Variants in ANKRD44 observed in about 807,000 individuals in gnomAD.
The protein encoded by ANKRD44 is ankyrin repeat domain 44.
Under a neutral mutation model 116.0 loss-of-function variants are expected in ANKRD44, and 35 were observed. The ratio of observed to expected loss-of-function variants is 0.30; its 90% confidence interval spans 0.23 to 0.40. The LOEUF is 0.40. ANKRD44 is among the 10% of genes least tolerant of loss of function. The probability of loss-of-function intolerance (pLI) is 1.00; values close to 1 mark genes in which losing one functional copy is unlikely to be tolerated. For missense variants in ANKRD44, 1,014 were observed against 1,242.6 expected, an observed-to-expected ratio of 0.82 and a Z score of 2.77; for synonymous variants, 435 against 461.8, an observed-to-expected ratio of 0.94 and a Z score of 0.74.
At chr2:197,093,032 T>A (rs1388431073) in intron 10 of ANKRD44, among the ~76,000 whole-genome samples, 1 of 152,072 alleles carries the variant, frequency 6.6e-6, no homozygotes, top group African/African-American at 2.4e-5. Context: ...TGAAAGAATA[T>A]GCCTGGAATC....
intron 17 of ANKRD44, among the ~76,000 whole-genome samples, chr2:197,018,064 TA>T (rs1455882969): frequency 2.0e-5 from 3 of 152,230 alleles, no homozygotes; most frequent in Non-Finnish European, 4.4e-5. Flanking sequence ...ATTCTTTCTT[TA>T]AAATACGTCC....
At chr2:197,106,681 T>C (rs2078436041) in intron 9 of ANKRD44, among the ~76,000 whole-genome samples, 1 of 151,370 alleles carries the variant, frequency 6.6e-6, no homozygotes, top group Admixed American at 6.6e-5. Flanking sequence ...TCCCAGCTAC[T>C]CGGGAGGCTG....
intron 21 of ANKRD44, among the ~76,000 whole-genome samples, chr2:196,977,466 T>G (rs2075768540): frequency 1.3e-5 from 2 of 152,346 alleles, no homozygotes; most frequent in Admixed American, 6.5e-5. Context: ...AAGGGACTTG[T>G]ATTCAGAATA....
At chr2:197,215,943 AACC>A (rs2081432278) in intron 1 of ANKRD44, among the ~76,000 whole-genome samples, 1 of 152,196 alleles carries the variant, frequency 6.6e-6, no homozygotes, top group South Asian at 2.1e-4. Context: ...GCAACTTCAC[AACC>A]TTGATTAACA....
At position 197,005,782 on chromosome 2, in the gene ANKRD44, G is replaced by A. The variant is rs145175393; in HGVS notation, c.2259C>T (p.Ser753=). Residue 753 remains serine, a synonymous_variant, in exon 21 of 28, where the codon AGC becomes AGT. Transcript: ENST00000282272. ...AAARGHATWL[S]ELLQMALSEE... ...CAGAAAGAGCCATTTGGAGCAGCTC[G>A]CTCAGCCACGTGGCGTGGCCACGAG... 73 of 1,614,266 alleles carry A rather than the reference G, an allele frequency of 4.5e-5. No individual in the cohort carries two copies. In the East Asian group the frequency reaches 1.2e-3, roughly 27 times the overall value.
At chr2:197,278,027 GT>G (rs1488209673) in intron 1 of ANKRD44, among the ~76,000 whole-genome samples, 1 of 152,148 alleles carries the variant, frequency 6.6e-6, no homozygotes, top group Non-Finnish European at 1.5e-5. Context: ...GCGTAAAGCA[GT>G]TTCTGCTTAA....
At chr2:197,024,978 C>T (rs1217869588) in intron 17 of ANKRD44, among the ~76,000 whole-genome samples, 4 of 152,186 alleles carry the variant, frequency 2.6e-5, no homozygotes, top group Non-Finnish European at 5.9e-5. Flanking sequence ...GAAACTGAGG[C>T]TCAAGACAGG....
rs149151087 is a variant in ANKRD44, at chr2:197,147,999, T to C, written c.112-894A>G. On this transcript the variant is annotated intron_variant, in intron 2 of 27. Coordinates refer to ENST00000282272, the MANE Select transcript of ANKRD44 (RefSeq NM_001195144.2). ...ACCCAGCAGACTTCAGTCTGTATCTTTGGCAAGGCATTGAACAGATTGTGC... is the reference window on the plus strand; with the variant it reads ...ACCCAGCAGACTTCAGTCTGTATCTCTGGCAAGGCATTGAACAGATTGTGC... 927 of 366,230 alleles carry C rather than the reference T, an allele frequency of 2.5e-3. 7 individuals carry two copies. Among genetic ancestry groups the C allele is most frequent in the African/African-American group, 0.017 (812 of 46,854 alleles). 22.7% of individuals were successfully genotyped at this position (366,230 alleles called of 1,614,324 possible).
chr2:197,186,595 A>C, intron 2 of ANKRD44, among the ~76,000 whole-genome samples: 1 of 116,850 alleles, frequency 8.6e-6, no homozygotes, highest in Non-Finnish European at 1.7e-5. Flanking sequence ...CTCCATCACT[A>C]TGCCCGGCTA....
chr2:196,987,897 T>C lies in ANKRD44; in HGVS notation c.*1694A>G. The C allele has an allele frequency of 1.0e-6, 1 of 982,956 alleles. No individual in the cohort carries two copies. The highest frequency in any genetic ancestry group is 1.2e-6 in the Non-Finnish European group (1 of 827,796). The allele number at this position is 982,956 out of a possible 1,614,324, so 60.9% of individuals were successfully genotyped here. A position where few individuals can be genotyped will look rare whatever the true frequency, so the allele number is the denominator to read the frequency against. On this transcript the variant is annotated 3_prime_UTR_variant, in exon 28 of 28. Coordinates refer to ENST00000282272, the MANE Select transcript of ANKRD44 (RefSeq NM_001195144.2). ...ATAATTTTATTTCTAAGAGATGTAA[T>C]TAAAATACAGAAATGATAGTTTTTA...
chr2:197,057,499 A>T lies in ANKRD44; in HGVS notation c.1650+21204T>A, dbSNP rs547186290. ...TTTGAATTTTTTTTTAAATTAAGAG[A>T]TCTTTATTCTCCAGAACGTTATAAT... On this transcript the variant is annotated intron_variant, in intron 16 of 27. Coordinates refer to ENST00000282272, the MANE Select transcript of ANKRD44 (RefSeq NM_001195144.2). 3.9e-5 allele frequency among the ~76,000 whole-genome samples: 6 copies of T among 152,102 alleles called. No homozygotes were observed. In the East Asian group the frequency reaches 1.2e-3, roughly 29 times the overall value.
chr2:197,152,065 G>T (rs2079666292), intron 2 of ANKRD44, among the ~76,000 whole-genome samples: 2 of 152,204 alleles, frequency 1.3e-5, no homozygotes, highest in African/African-American at 2.4e-5. Context: ...AGCCTTCTGG[G>T]TCAGTTAGTG....
chr2:197,166,532 G>GT, intron 2 of ANKRD44, among the ~76,000 whole-genome samples: 1 of 152,340 alleles, frequency 6.6e-6, no homozygotes, highest in South Asian at 2.1e-4. Flanking sequence ...AGAATTTAAA[G>GT]TTTGCTGATT....
intron 10 of ANKRD44, 86 bp downstream of exon 10, chr2:197,099,730 T>A: frequency 6.5e-7 from 1 of 1,549,012 alleles, no homozygotes; most frequent in South Asian, 1.2e-5. Flanking sequence ...CCTGGATAAA[T>A]GGGAACTATC....
In ANKRD44 at chr2:196,974,644, C is replaced by G. The variant is rs565054036; in HGVS notation, c.2369-7198G>C. On this transcript the variant is annotated intron_variant, in intron 21 of 21. Coordinates refer to the ANKRD44 transcript ENST00000424317. ...GTGGCTCATGCCTGTAATCCCAGCA[C>G]TTTGGTAGGCCAAGGCAGGCAGATC... Among the ~76,000 whole-genome samples, 4 of 152,124 alleles carry G rather than the reference C, an allele frequency of 2.6e-5. 1 individual carries two copies. In the South Asian group the frequency reaches 8.3e-4, roughly 32 times the overall value.
intron 21 of ANKRD44, among the ~76,000 whole-genome samples, chr2:196,969,451 G>GAA (rs895457419): frequency 6.7e-6 from 1 of 148,918 alleles, no homozygotes; most frequent in Non-Finnish European, 1.5e-5. Flanking sequence ...TTCCACTCCA[G>GAA]AAAAAAAAAA....
intron 16 of ANKRD44, among the ~76,000 whole-genome samples, chr2:197,072,409 G>C (rs561265292): frequency 6.6e-6 from 1 of 152,200 alleles, no homozygotes; most frequent in Non-Finnish European, 1.5e-5. Flanking sequence ...AGAAAACATG[G>C]AGGACCAGTT....
intron 16 of ANKRD44, among the ~76,000 whole-genome samples, chr2:197,034,353 T>C (rs750581683): frequency 1.3e-5 from 2 of 151,938 alleles, no homozygotes; most frequent in Non-Finnish European, 2.9e-5. Flanking sequence ...CATAACTTTC[T>C]TGTAAGAATA....
chr2:196,972,060 G>A (rs1013384269), intron 21 of ANKRD44, among the ~76,000 whole-genome samples: 7 of 152,100 alleles, frequency 4.6e-5, no homozygotes, highest in African/African-American at 7.2e-5. Context: ...GCAGGCTGGG[G>A]GTTTGTATGA....
Sources: gnomAD v4.1 joint callset for allele counts (sites outside exome capture counted in the v4.1 genomes callset) on GRCh38, gnomAD v4.1.1 for gene constraint, MANE v1.5 for transcripts, NCBI Gene and HGNC (gene_info 2026-07-23, HGNC 2026-07-21) for gene names.